ZNF562: variants seen among roughly 807,000 people sequenced by gnomAD.
The protein encoded by ZNF562 is zinc finger protein 562.
In ZNF562, 13 loss-of-function variants were observed where a neutral mutation model predicts 17.5. The observed-to-expected ratio is 0.74, with a 90% CI of 0.48 to 1.18. ZNF562 has a LOEUF of 1.18. Among genes scored for constraint, ZNF562 ranks in the 50% most tolerant of loss-of-function variants. The pLI, the probability that ZNF562 is intolerant of heterozygous loss-of-function variation, is 0.00. For synonymous variants in ZNF562, 163 were observed against 165.4 expected (o/e 0.99, Z 0.11); for missense variants, 481 against 498.5 (o/e 0.96, Z 0.33).
At chr19:9,662,124 T>C (rs1015387708) in intron 1 of ZNF562, among the ~76,000 whole-genome samples, 3 of 152,112 alleles carry the variant, frequency 2.0e-5, no homozygotes, top group African/African-American at 4.8e-5. Context: ...TGGTCTGATA[T>C]TTGACCCTAG....
At chr19:9,654,233 T>C (rs1568262138) in intron 5 of ZNF562, among the ~76,000 whole-genome samples, 1 of 152,054 alleles carries the variant, frequency 6.6e-6, no homozygotes. Flanking sequence ...TCAGGTGAAC[T>C]GCCTGTCTTG....
intron 1 of ZNF562, among the ~76,000 whole-genome samples, chr19:9,669,386 C>G (rs1352629131): frequency 6.6e-6 from 1 of 152,122 alleles, no homozygotes. Flanking sequence ...AAATACAAAT[C>G]ACACATAACC....
At chr19:9,660,005 C>T (rs1329290438) in intron 2 of ZNF562, among the ~76,000 whole-genome samples, 1 of 111,256 alleles carries the variant, frequency 9.0e-6, no homozygotes, top group East Asian at 3.1e-4. Context: ...CAGAGAACTG[C>T]TTGAACCTGG....
rs2074856736 is a variant in ZNF562 at position 9,650,839 on chromosome 19, C to G, written c.*2110G>C. The stretch of plus-strand genomic sequence containing the variant: ...AAGGTTTGTGGTGCATGCCAATAAT[C>G]CCAGCTACTGAGGGTGAGGCAGGAG... On this transcript the variant is annotated 3_prime_UTR_variant, in exon 6 of 6. Transcript: ENST00000453372. 1 of 151,244 alleles carries G rather than the reference C, an allele frequency of 6.6e-6. No individual in the cohort carries two copies. 9.4% of individuals were successfully genotyped at this position (151,244 alleles called of 1,614,324 possible).
In ZNF562 at chr19:9,652,953, C is replaced by G; in HGVS notation, c.1277G>C (p.Arg426Thr). ...TCTTTCCCACATATCTTGCATTTAC[C>G]TTTCTCCACTGTGAGTTTTCAAATG... ...SKHLKTHSGE[R>T] is the part of the protein sequence containing the mutation. Residue 426 changes from arginine to threonine, a missense_variant, in exon 6 of 6, where the codon AGG (arginine) becomes ACG (threonine). Transcript: ENST00000453372. 1 of 1,486,422 alleles carries G rather than the reference C, an allele frequency of 6.7e-7. No individual in the cohort carries two copies. 92.1% of individuals were successfully genotyped at this position (1,486,422 alleles called of 1,614,324 possible).
rs766243812 is a variant in ZNF562 at position 9,643,466 on chromosome 19, G to A, written c.*9483C>T. The A allele has an allele frequency of 6.6e-5, 10 of 152,024 alleles. No individual in the cohort carries two copies. Among genetic ancestry groups the A allele is most frequent in the Admixed American group, 1.3e-4 (2 of 15,258 alleles). The allele number at this position is 152,024 out of a possible 1,614,324, so 9.4% of individuals were successfully genotyped here. On this transcript the variant is annotated 3_prime_UTR_variant, in exon 6 of 6. Transcript: ENST00000453372. ...GATGAATGCACAAATACAAAGATAC[G>A]AATGAGCCAGAGCCAACCTTATATT...
At position 9,658,355 on chromosome 19, in the gene ZNF562, T is replaced by C. The variant is rs1269846384; in HGVS notation, c.115-220A>G. On this transcript the variant is annotated intron_variant, in intron 3 of 5. Transcript: ENST00000453372. The stretch of plus-strand genomic sequence containing the variant: ...AACAGCACTTTTTTTCTTTCTTTCT[T>C]TCTTTTTTTTTGTGACAGAGTTTTG... The C allele has an allele frequency of 7.1e-6, 7 of 982,744 alleles. No individual in the cohort carries two copies. In the Admixed American group the frequency reaches 2.5e-4, roughly 35 times the overall value. The allele number at this position is 982,744 out of a possible 1,614,324, so 60.9% of individuals were successfully genotyped here.
chr19:9,659,607 G>A (rs1320901536), intron 2 of ZNF562, 140 bp from the exon 3 acceptor site: 16 of 1,097,484 alleles, frequency 1.5e-5, no homozygotes, highest in Non-Finnish European at 1.9e-5. Context: ...TCCATGAAAT[G>A]CCGTAGTAGT....
At chr19:9,672,448 A>G (rs1318444458) in intron 1 of ZNF562, among the ~76,000 whole-genome samples, 2 of 152,198 alleles carry the variant, frequency 1.3e-5, no homozygotes, top group Non-Finnish European at 2.9e-5. Flanking sequence ...CATGAGGAGA[A>G]AGAAATAAAA....
chr19:9,670,384 G>T (rs1313465258), intron 1 of ZNF562, among the ~76,000 whole-genome samples: 1 of 152,150 alleles, frequency 6.6e-6, no homozygotes, highest in Non-Finnish European at 1.5e-5. Context: ...ACATTCCCTT[G>T]TTTACCGCAG....
intron 1 of ZNF562, among the ~76,000 whole-genome samples, chr19:9,667,747 T>C (rs574025689): frequency 6.6e-6 from 1 of 151,832 alleles, no homozygotes; most frequent in East Asian, 1.9e-4. Flanking sequence ...TGTGTGACAA[T>C]GCTAACTTTT....
rs2043447309 is a variant in ZNF562 at position 9,655,717 on chromosome 19, C to CTTTCTTTTTTTTTTTTTTTTTTTTTTTTT, written c.348+829_348+830insAAAAAAAAAAAAAAAAAAAAAAAAAGAAA. ...TTACAGGATTCACTTTCTTTTCTTTCTTTTTTTTTTTTTTTTTTTTTTTTT... is the reference window on the plus strand; with the variant it reads ...TTACAGGATTCACTTTCTTTTCTTTCTTTCTTTTTTTTTTTTTTTTTTTTTTTTTTTTTTTTTTTTTTTTTTTTTTTTTT... On this transcript the variant is annotated intron_variant, in intron 5 of 5. Coordinates refer to ENST00000453372, the MANE Select transcript of ZNF562 (RefSeq NM_001130031.2). Among the ~76,000 whole-genome samples, 5 of 48,694 alleles carry CTTTCTTTTTTTTTTTTTTTTTTTTTTTTT rather than the reference C, an allele frequency of 1.0e-4. 1 individual carries two copies. Among genetic ancestry groups the CTTTCTTTTTTTTTTTTTTTTTTTTTTTTT allele is most frequent in the African/African-American group, 4.1e-4 (5 of 12,316 alleles). 31.9% of individuals were successfully genotyped at this position (48,694 alleles called of 152,430 possible).
At chr19:9,659,572 G>A (rs1177404313) in intron 2 of ZNF562, 105 bp from the exon 3 acceptor site, 43 of 1,360,488 alleles carry the variant, frequency 3.2e-5, no homozygotes, top group Middle Eastern at 2.5e-4. Flanking sequence ...CTGCACACTC[G>A]AAAAAACTAC....
In ZNF562 at chr19:9,652,675, T is replaced by C; in HGVS notation, c.*274A>G. 1 of 272,896 alleles carries C rather than the reference T, an allele frequency of 3.7e-6. No individual in the cohort carries two copies. The highest frequency in any genetic ancestry group is 6.9e-6 in the Non-Finnish European group (1 of 145,270). 16.9% of individuals were successfully genotyped at this position (272,896 alleles called of 1,614,324 possible). The stretch of plus-strand genomic sequence containing the variant: ...TCGGGATGCATCTAAGGCCAATCTG[T>C]GAGCCATTACAACCTCCAAAAGGCA... On this transcript the variant is annotated 3_prime_UTR_variant, in exon 6 of 6. Coordinates refer to ENST00000453372, the MANE Select transcript of ZNF562 (RefSeq NM_001130031.2).
In ZNF562 at chr19:9,654,700, G is replaced by T. The variant is rs529663699; in HGVS notation, c.349-819C>A. ...TTGACCTTCTCATCCGCCTGCCTAG[G>T]CCTCCGAAAGTGCTGGAATTACAGG... On this transcript the variant is annotated intron_variant, in intron 5 of 5. Transcript: ENST00000453372. Among the ~76,000 whole-genome samples the T allele has an allele frequency of 2.6e-5, 4 of 152,038 alleles. No homozygotes were observed. In the East Asian group the frequency reaches 7.8e-4, roughly 29 times the overall value.
chr19:9,656,871 A>AAAAAAAATATAT lies in ZNF562; in HGVS notation c.242-219_242-218insATATATTTTTTT, dbSNP rs376933513. Among the ~76,000 whole-genome samples the AAAAAAAATATAT allele has an allele frequency of 1.3e-3, 180 of 142,432 alleles. 1 individual carries two copies. The highest frequency in any genetic ancestry group is 4.8e-3 in the Admixed American group (67 of 13,946). 93.4% of individuals were successfully genotyped at this position (142,432 alleles called of 152,430 possible). On this transcript the variant is annotated intron_variant, in intron 4 of 5. Transcript: ENST00000453372. ...AACCCTCTCTCTAGTAAAATACAAA[A>AAAAAAAATATAT]ATATATATATATATATATATTAGCC...
intron 3 of ZNF562, 189 bp from the exon 4 acceptor site, chr19:9,658,324 G>A (rs1263280576): frequency 5.1e-6 from 5 of 985,186 alleles, no homozygotes; most frequent in Non-Finnish European, 4.8e-6. Context: ...ACAGGCATAT[G>A]CCTTAAACAG....
At chr19:9,669,609 C>T (rs1449780811) in intron 1 of ZNF562, among the ~76,000 whole-genome samples, 3 of 151,924 alleles carry the variant, frequency 2.0e-5, no homozygotes, top group Admixed American at 6.6e-5. Context: ...TCACTTGAGC[C>T]CAGGAGTTCC....
chr19:9,673,349 T>C (rs955431149), intron 1 of ZNF562, among the ~76,000 whole-genome samples: 1 of 152,166 alleles, frequency 6.6e-6, no homozygotes, highest in African/African-American at 2.4e-5. Flanking sequence ...TAGAAATAAA[T>C]TGCGTTGCTG....
Sources: gnomAD v4.1 joint callset for allele counts (sites outside exome capture counted in the v4.1 genomes callset) on GRCh38, gnomAD v4.1.1 for gene constraint, MANE v1.5 for transcripts, NCBI Gene and HGNC (gene_info 2026-07-23, HGNC 2026-07-21) for gene names.